The following PLXNA2 variants were observed in gnomAD, a reference collection of about 807,000 sequenced individuals.
The protein encoded by PLXNA2 is plexin A2.
A neutral mutation model predicts 193.5 loss-of-function variants in PLXNA2; 91 were observed. That is an observed-to-expected ratio of 0.47 (90% CI 0.40 to 0.56). PLXNA2 has a LOEUF of 0.56. Ranked by LOEUF, PLXNA2 falls within the 20% of genes least tolerant of loss-of-function variation. PLXNA2 has a pLI of 0.00. For synonymous variants in PLXNA2, 997 were observed against 1,027.3 expected (o/e 0.97, Z 0.56); for missense variants, 1,995 against 2,503.2 (o/e 0.80, Z 4.33).
chr1:208,162,921 C>G (rs1394474880), intron 3 of PLXNA2, among the ~76,000 whole-genome samples: 2 of 152,200 alleles, frequency 1.3e-5, no homozygotes, highest in African/African-American at 4.8e-5. Context: ...AAGGCTGACT[C>G]TGCTAAGTGC....
At chr1:208,199,215 G>A in intron 3 of PLXNA2, among the ~76,000 whole-genome samples, 1 of 152,194 alleles carries the variant, frequency 6.6e-6, no homozygotes, top group East Asian at 1.9e-4. Flanking sequence ...TCCCTGAGAT[G>A]TGTGGACTGA....
At position 208,025,826 on chromosome 1, in the gene PLXNA2, G is replaced by A. The variant is rs1182919897; in HGVS notation, c.*1417C>T. 1 of 152,350 alleles carries A rather than the reference G, an allele frequency of 6.6e-6. No individual in the cohort carries two copies. The highest frequency in any genetic ancestry group is 1.5e-5 in the Non-Finnish European group (1 of 68,050). 9.4% of individuals were successfully genotyped at this position (152,350 alleles called of 1,614,324 possible). A position where few individuals can be genotyped will look rare whatever the true frequency, so the allele number is the denominator to read the frequency against. On this transcript the variant is annotated 3_prime_UTR_variant, in exon 32 of 32. Coordinates refer to ENST00000367033, the MANE Select transcript of PLXNA2 (RefSeq NM_025179.4). ...AAGAGACAGAGAAGGAAAGTCCAGT[G>A]AGAAGTCATCCACTTGTCCTTCACA...
intron 4 of PLXNA2, among the ~76,000 whole-genome samples, chr1:208,121,111 A>G (rs909931389): frequency 2.2e-4 from 34 of 152,314 alleles, no homozygotes; most frequent in South Asian, 1.0e-3. Context: ...GAAGAGCCCA[A>G]TGGAAGAATT....
chr1:208,210,718 T>TAGG (rs1670915871), intron 2 of PLXNA2, among the ~76,000 whole-genome samples: 2 of 152,212 alleles, frequency 1.3e-5, no homozygotes, highest in Non-Finnish European at 2.9e-5. Context: ...TGTATCTACC[T>TAGG]TTCTGCCAGG....
chr1:208,095,505 G>A (rs1666852080), intron 8 of PLXNA2, among the ~76,000 whole-genome samples: 1 of 152,164 alleles, frequency 6.6e-6, no homozygotes, highest in East Asian at 1.9e-4. Context: ...TTTAAAAAAT[G>A]ATGGAGTGAA....
chr1:208,047,451 C>A (rs978374685), intron 17 of PLXNA2, among the ~76,000 whole-genome samples: 5 of 152,248 alleles, frequency 3.3e-5, no homozygotes, highest in African/African-American at 1.2e-4. Context: ...GCCATTCTCT[C>A]CTGTGGAGGT....
At chr1:208,081,314 C>A (rs558188603) in intron 11 of PLXNA2, among the ~76,000 whole-genome samples, 12 of 152,220 alleles carry the variant, frequency 7.9e-5, no homozygotes, top group Admixed American at 7.2e-4. Flanking sequence ...GGAGCTACAG[C>A]CCTAAAGATG....
intron 4 of PLXNA2, among the ~76,000 whole-genome samples, chr1:208,112,935 C>T (rs4844408): frequency 0.3 from 44,540 of 149,110 alleles, 7,059 homozygotes; most frequent in Middle Eastern, 0.38. Context: ...GAGAAGACTC[C>T]CATGCCAGAA....
At chr1:208,101,700 G>A (rs1047033857) in intron 5 of PLXNA2, among the ~76,000 whole-genome samples, 1 of 152,174 alleles carries the variant, frequency 6.6e-6, no homozygotes, top group Non-Finnish European at 1.5e-5. Flanking sequence ...AGACGTCCTT[G>A]CTGTTGAATA....
Position 208,044,692 on chromosome 1 carries a change from T to C in PLXNA2, c.3690A>G (p.Ser1230=), listed in dbSNP as rs1664993696. The change falls in exon 20 of 32, where the codon TCA becomes TCG. Residue 1230 remains serine, a synonymous_variant. Coordinates refer to ENST00000367033, the MANE Select transcript of PLXNA2 (RefSeq NM_025179.4). This position sits in a 1 kb window ranked among gnomAD's most constrained non-coding sequence, Gnocchi z 4.9. ...VFSPGSVSVI[S]DSLLTLPAIV... is the part of the protein sequence containing the mutation. The stretch of plus-strand genomic sequence containing the variant: ...TGGCTGGCAGGGTCAGCAAGCTGTC[T>C]GAGATGACACTCACCGAGCCAGGCG... 1 of 1,614,102 alleles carries C rather than the reference T, an allele frequency of 6.2e-7. No homozygotes were observed. Among genetic ancestry groups the C allele is most frequent in the Non-Finnish European group, 8.5e-7 (1 of 1,180,028 alleles).
intron 4 of PLXNA2, among the ~76,000 whole-genome samples, chr1:208,110,066 A>T (rs189966799): frequency 1.3e-5 from 2 of 152,154 alleles, no homozygotes; most frequent in East Asian, 3.9e-4. Context: ...TTCCCTTGAC[A>T]CTCATTCAGA....
At chr1:208,136,357 A>G (rs1472344202) in intron 4 of PLXNA2, among the ~76,000 whole-genome samples, 6 of 152,256 alleles carry the variant, frequency 3.9e-5, no homozygotes, top group Non-Finnish European at 8.8e-5. Flanking sequence ...CTACTAGTAC[A>G]TCTAGGACAT....
chr1:208,200,796 G>T (rs1670526500), intron 3 of PLXNA2, among the ~76,000 whole-genome samples: 1 of 151,874 alleles, frequency 6.6e-6, no homozygotes, highest in Non-Finnish European at 1.5e-5. Context: ...AGTAGAGACG[G>T]AGTTTCGCCA....
At chr1:208,183,988 A>G (rs1416826495) in intron 3 of PLXNA2, among the ~76,000 whole-genome samples, 1 of 152,216 alleles carries the variant, frequency 6.6e-6, no homozygotes, top group Non-Finnish European at 1.5e-5. Flanking sequence ...ACACTAATAT[A>G]TGTCAATCTC....
intron 29 of PLXNA2, chr1:208,030,200 C>A (rs1664456552): frequency 4.1e-6 from 4 of 985,428 alleles, no homozygotes; most frequent in Non-Finnish European, 4.8e-6. Context: ...TCTCTTCTAC[C>A]CTCCCCTTCT....
chr1:208,126,006 C>T (rs1369981405), intron 4 of PLXNA2, among the ~76,000 whole-genome samples: 1 of 152,194 alleles, frequency 6.6e-6, no homozygotes, highest in African/African-American at 2.4e-5. Flanking sequence ...GATATTCTGA[C>T]CTTTGTGCAA....
At chr1:208,227,747 G>C (rs920640926) in intron 1 of PLXNA2, among the ~76,000 whole-genome samples, 1 of 152,106 alleles carries the variant, frequency 6.6e-6, no homozygotes, top group Non-Finnish European at 1.5e-5. Flanking sequence ...CCGCCTTTCA[G>C]AGCAATTCCA....
chr1:208,113,803 G>A (rs1288227930), intron 4 of PLXNA2, among the ~76,000 whole-genome samples: 6 of 152,000 alleles, frequency 3.9e-5, no homozygotes, highest in African/African-American at 9.7e-5. Flanking sequence ...TGATCTGCCC[G>A]CCAGAGCAAC....
At chr1:208,087,935 G>A (rs1205842480) in intron 9 of PLXNA2, among the ~76,000 whole-genome samples, 1 of 152,182 alleles carries the variant, frequency 6.6e-6, no homozygotes, top group Admixed American at 6.5e-5. Flanking sequence ...GCACACACAT[G>A]TGTACATACA....
Sources: gnomAD v4.1 joint callset for allele counts (sites outside exome capture counted in the v4.1 genomes callset) on GRCh38, gnomAD v4.1.1 for gene constraint, Gnocchi (gnomAD v3.1) non-coding constraint, MANE v1.5 for transcripts, NCBI Gene and HGNC (gene_info 2026-07-23, HGNC 2026-07-21) for gene names.